ABCB6: variants seen among roughly 807,000 people sequenced by gnomAD.
The protein encoded by ABCB6 is ATP binding cassette subfamily B member 6 (LAN blood group).
Under a neutral mutation model 99.4 loss-of-function variants are expected in ABCB6, and 87 were observed. The ratio of observed to expected loss-of-function variants is 0.88; its 90% CI spans 0.74 to 1.05. The LOEUF is 1.05. Ranked by LOEUF, ABCB6 falls within the 50% of genes least tolerant of loss-of-function variation. The pLI is 0.00. For missense variants in ABCB6, 1,050 were observed against 1,097.9 expected, an observed-to-expected ratio of 0.96 and a Z score of 0.62; for synonymous variants, 482 against 447.5, an observed-to-expected ratio of 1.08 and a Z score of -0.97.
chr2:219,216,395 C>T lies in ABCB6; in HGVS notation c.939G>A (p.Lys313=), dbSNP rs752910770. 7 of 1,613,922 alleles carry T rather than the reference C, an allele frequency of 4.3e-6. No individual in the cohort carries two copies. In the Admixed American group the frequency reaches 1.2e-4, roughly 27 times the overall value. ...AWTVTSYVFL[K]FLQGGGTGST... ...TGCCAGTGCCACCCCCCTGGAGGAACTTGAGGAAGACGTAACTGGTAACAG... is the reference window on the plus strand; with the variant it reads ...TGCCAGTGCCACCCCCCTGGAGGAATTTGAGGAAGACGTAACTGGTAACAG... The change falls in exon 4 of 19, where the codon AAG becomes AAA. Residue 313 remains lysine, a synonymous_variant. Coordinates refer to ENST00000265316, the MANE Select transcript of ABCB6 (RefSeq NM_005689.4). This position sits in a 1 kb window ranked among gnomAD's most constrained non-coding sequence, Gnocchi z 4.2.
At position 219,216,753 on chromosome 2, in the gene ABCB6, C is replaced by A; in HGVS notation, c.767G>T (p.Arg256Leu). Reference sequence around the variant, plus strand: ...CACCAGCTGCAGAGCTGGACTCCCTCGAGGCCACAGGTAGCCACTCAGGAG... The same window carrying A: ...CACCAGCTGCAGAGCTGGACTCCCTAGAGGCCACAGGTAGCCACTCAGGAG... ...LRLLSGYLWP[R>L]GSPALQLVVL... The change falls in exon 3 of 19, where the codon CGA becomes CTA. Residue 256 changes from arginine (R) to leucine (L), a missense_variant. Transcript: ENST00000265316. This position sits in a 1 kb window ranked among gnomAD's most constrained non-coding sequence, Gnocchi z 4.2. 6.2e-7 allele frequency: 1 copy of A among 1,610,718 alleles called. No homozygotes were observed. The highest frequency in any genetic ancestry group is 8.5e-7 in the Non-Finnish European group (1 of 1,178,736).
At position 219,210,059 on chromosome 2, in the gene ABCB6, G is replaced by A. The variant is rs1345414343; in HGVS notation, c.2421-13C>T. 2 of 1,612,296 alleles carry A rather than the reference G, an allele frequency of 1.2e-6. No individual in the cohort carries two copies. Among genetic ancestry groups the A allele is most frequent in the Non-Finnish European group, 8.5e-7 (1 of 1,178,550 alleles). On this transcript the variant is annotated splice_polypyrimidine_tract_variant and intron_variant, in intron 18 of 18. Transcript: ENST00000265316. ...CAGAGCCTCGTGTCTGGGGTGAGGA[G>A]AAAAGTGTGAGTCCTAACCATTAGT...
Position 219,210,976 on chromosome 2 carries a change from G to A in ABCB6, c.2101C>T (p.Gln701Ter), listed in dbSNP as rs1950571021. 1 of 1,614,182 alleles carries A rather than the reference G, an allele frequency of 6.2e-7. No homozygotes were observed. Among genetic ancestry groups the A allele is most frequent in the Non-Finnish European group, 8.5e-7 (1 of 1,180,034 alleles). ...ATGGCATCATGGATGCCTGCAGCCT[G>A]AGCAGCAGCCTCCACCTCATCATTC... is the stretch of plus-strand genomic sequence containing the variant. ...AGNDEVEAAA[Q>*]AAGIHDAIMA... The change falls in exon 15 of 19, where the codon CAG (glutamine) becomes TAG (stop). Residue 701 changes from glutamine to a stop codon, truncating the protein, a stop_gained. Coordinates refer to ENST00000265316, the MANE Select transcript of ABCB6 (RefSeq NM_005689.4). LOFTEE classifies it high-confidence loss of function.
At position 219,216,506 on chromosome 2, in the gene ABCB6, G is replaced by A. The variant is rs1398147370; in HGVS notation, c.869-41C>T. 3 of 1,600,266 alleles carry A rather than the reference G, an allele frequency of 1.9e-6. No homozygotes were observed. Among genetic ancestry groups the A allele is most frequent in the Non-Finnish European group, 2.6e-6 (3 of 1,169,306 alleles). ...GTCAGAACCCACTTATGGCGCCCAG[G>A]ACTCTCTTCAGGCAAAATGGCCCCA... On this transcript the variant is annotated intron_variant, in intron 3 of 18. Coordinates refer to ENST00000265316, the MANE Select transcript of ABCB6 (RefSeq NM_005689.4). This position sits in a 1 kb window ranked among gnomAD's most constrained non-coding sequence, Gnocchi z 4.2.
At chr2:219,215,491 C>T in intron 5 of ABCB6, 1 of 185,228 alleles carries the variant, frequency 5.4e-6, no homozygotes, top group Non-Finnish European at 1.1e-5. Context: ...ACTGTAATCC[C>T]AGCACTTTGG....
In ABCB6 at chr2:219,218,151, A is replaced by G; in HGVS notation, c.523T>C (p.Trp175Arg). Residue 175 changes from tryptophan (W) to arginine (R), a missense_variant, in exon 1 of 19, where the codon TGG (tryptophan) becomes CGG (arginine). Physicochemically the swap from Trp to Arg is moderately radical, Grantham distance 101. Transcript: ENST00000265316. Reference sequence around the variant, plus strand: ...TGCTGGCCCAAGTCTGCCCTTGCCCACCACCACTGTGGGCTGTTCCAAGAC... The same window carrying G: ...TGCTGGCCCAAGTCTGCCCTTGCCCGCCACCACTGTGGGCTGTTCCAAGAC... ...LVSWNSPQWW[W>R]ARADLGQQVQ... The G allele has an allele frequency of 6.2e-7, 1 of 1,610,482 alleles. No individual in the cohort carries two copies. The highest frequency in any genetic ancestry group is 8.5e-7 in the Non-Finnish European group (1 of 1,178,554).
In ABCB6 at chr2:219,212,992, C is replaced by G; in HGVS notation, c.1863+16G>C. The G allele has an allele frequency of 6.2e-7, 1 of 1,613,716 alleles. No homozygotes were observed. The highest frequency in any genetic ancestry group is 8.5e-7 in the Non-Finnish European group (1 of 1,179,812). Reference sequence around the variant, plus strand: ...AGCTTGAGGCATCTGGGCCAAGTGGCTGGGTCTCCTCTCACCAGGGCAAGT... The same window carrying G: ...AGCTTGAGGCATCTGGGCCAAGTGGGTGGGTCTCCTCTCACCAGGGCAAGT... On this transcript the variant is annotated intron_variant, in intron 13 of 18. Transcript: ENST00000265316.
rs890965875 is a variant in ABCB6, at chr2:219,214,450, A to G, written c.1325T>C (p.Met442Thr). The change falls in exon 7 of 19, where the codon ATG becomes ACG. Residue 442 changes from methionine (M) to threonine (T), a missense_variant. Physicochemically the swap from Met to Thr is moderately conservative, Grantham distance 81. Coordinates refer to ENST00000265316, the MANE Select transcript of ABCB6 (RefSeq NM_005689.4). ...CCGGGTAGCGTTCTCCTGTGTGTTC[A>G]TAGCACGACGAAACTTGGTTCTCCA... ...TEWRTKFRRA[M>T]NTQENATRAR... 3 of 1,614,208 alleles carry G rather than the reference A, an allele frequency of 1.9e-6. No homozygotes were observed. Among genetic ancestry groups the G allele is most frequent in the Non-Finnish European group, 2.5e-6 (3 of 1,180,034 alleles).
intron 16 of ABCB6, 55 bp downstream of exon 16, chr2:219,210,656 G>A (rs953715953): frequency 1.2e-5 from 19 of 1,609,908 alleles, no homozygotes; most frequent in East Asian, 6.7e-5. Context: ...GTGCCCAGGA[G>A]GAACGGCTTG....
rs761965152 is a variant in ABCB6, at chr2:219,216,833, CTAG to C, written c.688-4_688-2del. The C allele has an allele frequency of 5.0e-6, 8 of 1,609,778 alleles. No individual in the cohort carries two copies. The highest frequency in any genetic ancestry group is 1.7e-4 in the Middle Eastern group (1 of 6,054). ...TAGACTGTTGGGCTGCTGACCGAAC[CTAG>C]GATGGTGAAACACGTAGGAAGGGAG... On this transcript the variant is annotated splice_acceptor_variant and splice_polypyrimidine_tract_variant and intron_variant, in intron 2 of 18. Coordinates refer to ENST00000265316, the MANE Select transcript of ABCB6 (RefSeq NM_005689.4). LOFTEE classifies it high-confidence loss of function. The surrounding 1 kb of genome is among the most constrained non-coding windows in gnomAD (Gnocchi z 4.2).
In ABCB6 at chr2:219,214,820, T is replaced by C. The variant is rs992816598; in HGVS notation, c.1276+141A>G. 4 of 937,538 alleles carry C rather than the reference T, an allele frequency of 4.3e-6. No individual in the cohort carries two copies. In the African/African-American group the frequency reaches 4.9e-5, roughly 12 times the overall value. 58.1% of individuals were successfully genotyped at this position (937,538 alleles called of 1,614,324 possible). A position where few individuals can be genotyped will look rare whatever the true frequency, so the allele number is the denominator to read the frequency against. On this transcript the variant is annotated intron_variant, in intron 6 of 18. Transcript: ENST00000265316. ...TGATTTGACAGAAGAGACCCGCCCA[T>C]CACATGACGAGCACTAGGAGCCCAT...
Position 219,213,615 on chromosome 2 carries a change from G to A in ABCB6, c.1630C>T (p.Leu544Phe). ...CTGTAGTAGGTGCCAAACCAATTGAGGGGCATGTACAGCTGGATAATGTAG... is the reference window on the plus strand; with the variant it reads ...CTGTAGTAGGTGCCAAACCAATTGAAGGGCATGTACAGCTGGATAATGTAG... ...GTYIIQLYMP[L>F]NWFGTYYRMI... The change falls in exon 10 of 19, where the codon CTC becomes TTC. Residue 544 changes from leucine to phenylalanine, a missense_variant. Transcript: ENST00000265316. 1.2e-6 allele frequency: 2 copies of A among 1,614,216 alleles called. No homozygotes were observed. The highest frequency in any genetic ancestry group is 8.5e-7 in the Non-Finnish European group (1 of 1,180,050).
rs370883149 is a variant in ABCB6, at chr2:219,217,643, C to CA, written c.687+26dup. The CA allele has an allele frequency of 0.19, 204,940 of 1,065,172 alleles. 1,325 individuals carry two copies. The highest frequency in any genetic ancestry group is 0.27 in the South Asian group (16,968 of 62,382). 66.0% of individuals were successfully genotyped at this position (1,065,172 alleles called of 1,614,324 possible). On this transcript the variant is annotated intron_variant, in intron 2 of 18. Coordinates refer to ENST00000265316, the MANE Select transcript of ABCB6 (RefSeq NM_005689.4). ...TGGTGACAGAGCAAGACTCCGTCTCCAAAAAAAAAAAGAAACTGAGGTGTA... is the reference window on the plus strand; with the variant it reads ...TGGTGACAGAGCAAGACTCCGTCTCCAAAAAAAAAAAAGAAACTGAGGTGTA...
chr2:219,212,860 C>T, intron 13 of ABCB6, 148 bp downstream of exon 13: 1 of 926,446 alleles, frequency 1.1e-6, no homozygotes, highest in South Asian at 1.5e-5. Flanking sequence ...TCCAAGAGGT[C>T]ACCAGTGTCC....
Position 219,216,645 on chromosome 2 carries a change from T to A in ABCB6, c.868+7A>T, listed in dbSNP as rs370779934. The A allele has an allele frequency of 2.3e-5, 35 of 1,552,334 alleles. No homozygotes were observed. The African/African-American group carries it at 3.3e-4, about 15-fold the overall frequency. ...CAGCACACTGAGCTGGTGCTCCTCC[T>A]GCTCACCAATGTTCCTATAGAATAT... On this transcript the variant is annotated splice_region_variant and intron_variant, in intron 3 of 18. Transcript: ENST00000265316. The surrounding 1 kb of genome is among the most constrained non-coding windows in gnomAD (Gnocchi z 4.2).
Position 219,218,670 on chromosome 2 carries a change from C to T in ABCB6, c.4G>A (p.Val2Met), listed in dbSNP as rs369955643. Residue 2 changes from valine (V) to methionine (M), a missense_variant, in exon 1 of 19, where the codon GTG becomes ATG. Physicochemically the swap from Val to Met is conservative, Grantham distance 21. Coordinates refer to ENST00000265316, the MANE Select transcript of ABCB6 (RefSeq NM_005689.4). MVTVGNYCEAEG... is the reference protein window; with the variant it reads MMTVGNYCEAEG... Reference sequence around the variant, plus strand: ...GCCTCGCAGTAGTTGCCCACAGTCACCATGGCAATGCGTGGACGCCGGCCG... The same window carrying T: ...GCCTCGCAGTAGTTGCCCACAGTCATCATGGCAATGCGTGGACGCCGGCCG... 33 of 1,554,534 alleles carry T rather than the reference C, an allele frequency of 2.1e-5. No individual in the cohort carries two copies. Among genetic ancestry groups the T allele is most frequent in the Middle Eastern group, 3.7e-4 (2 of 5,404 alleles).
intron 13 of ABCB6, 50 bp downstream of exon 13, chr2:219,212,958 A>G (rs770875456): frequency 1.3e-6 from 2 of 1,595,880 alleles, no homozygotes; most frequent in Non-Finnish European, 1.7e-6. Flanking sequence ...ATGGGCACTG[A>G]ATGAGGGAAG....
intron 11 of ABCB6, 39 bp from the exon 12 acceptor site, chr2:219,213,365 T>C (rs1371033269): frequency 1.9e-6 from 3 of 1,613,600 alleles, no homozygotes; most frequent in East Asian, 2.2e-5. Context: ...GGTTCTCAGC[T>C]TTGTGTTTTC....
At chr2:219,217,915 A>G in intron 1 of ABCB6, 108 bp from the exon 2 acceptor site, 1 of 1,332,508 alleles carries the variant, frequency 7.5e-7, no homozygotes, top group Non-Finnish European at 1.0e-6. Flanking sequence ...CAGCACTTAC[A>G]GGCTTAAAAA....
Sources: allele counts gnomAD v4.1 joint callset, GRCh38; gene constraint gnomAD v4.1.1; non-coding constraint Gnocchi (gnomAD v3.1); transcripts MANE v1.5; gene names NCBI Gene and HGNC (gene_info 2026-07-23, HGNC 2026-07-21).